Variants in NSMCE2 observed in about 807,000 individuals in gnomAD.
NSMCE2 encodes E3 SUMO-protein ligase NSE2.
In NSMCE2, 24 loss-of-function variants were observed where a neutral mutation model predicts 23.8. The observed-to-expected ratio is 1.01, with a 90% confidence interval of 0.73 to 1.42. NSMCE2 has a LOEUF of 1.42. Among genes scored for constraint, NSMCE2 ranks in the 40% most tolerant of loss-of-function variants. The pLI is 0.00. For missense variants in NSMCE2, 284 were observed against 296.5 expected, an observed-to-expected ratio of 0.96 and a Z score of 0.31; for synonymous variants, 92 against 94.1, an observed-to-expected ratio of 0.98 and a Z score of 0.13.
At chr8:125,139,990 T>C (rs1000535076) in intron 3 of NSMCE2, among the ~76,000 whole-genome samples, 8 of 152,340 alleles carry the variant, frequency 5.3e-5, no homozygotes, top group Admixed American at 2.6e-4. Context: ...TTTGAATTTC[T>C]GTAGTCCTTT....
chr8:125,221,666 G>A (rs1303659773), intron 5 of NSMCE2, among the ~76,000 whole-genome samples: 2 of 152,166 alleles, frequency 1.3e-5, no homozygotes, highest in Non-Finnish European at 2.9e-5. Flanking sequence ...AAATATATTA[G>A]GGATAAGACC....
chr8:125,228,310 C>T (rs1175767402), intron 5 of NSMCE2, among the ~76,000 whole-genome samples: 1 of 152,078 alleles, frequency 6.6e-6, no homozygotes. Context: ...TATTCAATTC[C>T]TTCCAGTACA....
chr8:125,274,798 C>T (rs1042637013), intron 5 of NSMCE2, among the ~76,000 whole-genome samples: 11 of 151,518 alleles, frequency 7.3e-5, no homozygotes, highest in East Asian at 1.9e-4. Flanking sequence ...GGCATGGTGG[C>T]GCACGCCTGT....
intron 3 of NSMCE2, among the ~76,000 whole-genome samples, chr8:125,138,676 G>A (rs1172980831): frequency 1.3e-5 from 2 of 152,138 alleles, no homozygotes; most frequent in African/African-American, 4.8e-5. Context: ...GACAAATGAA[G>A]CATGTTTAAG....
intron 5 of NSMCE2, among the ~76,000 whole-genome samples, chr8:125,344,272 T>C (rs1830356180): frequency 6.6e-6 from 1 of 152,152 alleles, no homozygotes; most frequent in Non-Finnish European, 1.5e-5. Flanking sequence ...TATTATTTGG[T>C]CTCTTGAAGA....
intron 5 of NSMCE2, among the ~76,000 whole-genome samples, chr8:125,325,553 T>C (rs1410409314): frequency 6.6e-6 from 1 of 152,180 alleles, no homozygotes. Context: ...CATTTTGCCA[T>C]GTAGGCTGGT....
intron 5 of NSMCE2, among the ~76,000 whole-genome samples, chr8:125,326,077 G>A (rs1829653632): frequency 6.6e-6 from 1 of 152,070 alleles, no homozygotes; most frequent in African/African-American, 2.4e-5. Flanking sequence ...ATAACATGGT[G>A]AAACCCCATC....
intron 3 of NSMCE2, among the ~76,000 whole-genome samples, chr8:125,133,611 C>G (rs538821897): frequency 6.6e-6 from 1 of 151,444 alleles, no homozygotes; most frequent in Admixed American, 6.6e-5. Flanking sequence ...CATGGTGGCT[C>G]GCACCTGTAA....
At chr8:125,191,798 C>T (rs1313598636) in intron 5 of NSMCE2, among the ~76,000 whole-genome samples, 1 of 152,088 alleles carries the variant, frequency 6.6e-6, no homozygotes, top group Non-Finnish European at 1.5e-5. Flanking sequence ...CATCATCTCG[C>T]GTAATCTTTA....
intron 5 of NSMCE2, among the ~76,000 whole-genome samples, chr8:125,348,041 GTA>G (rs1563798862): frequency 6.6e-6 from 1 of 152,314 alleles, no homozygotes; most frequent in East Asian, 1.9e-4. Context: ...TCCTTCCACA[GTA>G]TCTTGTATAT....
intron 3 of NSMCE2, among the ~76,000 whole-genome samples, chr8:125,149,324 T>C (rs1171757213): frequency 6.6e-6 from 1 of 152,190 alleles, no homozygotes; most frequent in Admixed American, 6.5e-5. Flanking sequence ...TATTATAAAA[T>C]TAAAGCATAT....
intron 5 of NSMCE2, among the ~76,000 whole-genome samples, chr8:125,344,373 G>GT (rs1174440892): frequency 1.3e-5 from 2 of 152,152 alleles, no homozygotes; most frequent in Non-Finnish European, 2.9e-5. Context: ...ATATGCAGTA[G>GT]TTATGTCACC....
At chr8:125,233,030 C>CTCTGTCATCTTCTACAGGGA (rs1427506244) in intron 5 of NSMCE2, among the ~76,000 whole-genome samples, 2 of 152,230 alleles carry the variant, frequency 1.3e-5, no homozygotes, top group Non-Finnish European at 2.9e-5. Context: ...CAATTGCCGG[C>CTCTGTCATCTTCTACAGGGA]TCTGTCATCT....
At chr8:125,213,294 G>A (rs1824424571) in intron 5 of NSMCE2, among the ~76,000 whole-genome samples, 2 of 152,132 alleles carry the variant, frequency 1.3e-5, no homozygotes, top group Admixed American at 6.5e-5. Context: ...AGCCAGCAGC[G>A]TACAGGAAAC....
At chr8:125,227,235 C>G (rs1314887544) in intron 5 of NSMCE2, among the ~76,000 whole-genome samples, 1 of 152,256 alleles carries the variant, frequency 6.6e-6, no homozygotes, top group East Asian at 1.9e-4. Context: ...TGCCACGTCC[C>G]TGACATGGCA....
chr8:125,220,750 C>A (rs1824818928), intron 5 of NSMCE2, among the ~76,000 whole-genome samples: 2 of 152,046 alleles, frequency 1.3e-5, no homozygotes, highest in African/African-American at 4.8e-5. Context: ...AGATTGAAAT[C>A]CACTTATTCA....
chr8:125,142,735 G>A (rs566567475), intron 3 of NSMCE2, among the ~76,000 whole-genome samples: 1 of 152,130 alleles, frequency 6.6e-6, no homozygotes, highest in Admixed American at 6.5e-5. Context: ...CTCCCGAGTA[G>A]CTGGAATTAC....
At chr8:125,218,516 A>G (rs766505275) in intron 5 of NSMCE2, among the ~76,000 whole-genome samples, 19 of 151,732 alleles carry the variant, frequency 1.3e-4, no homozygotes, top group Non-Finnish European at 2.2e-4. Flanking sequence ...GGTTCAAGCA[A>G]TTCTCATGCC....
Position 125,124,470 on chromosome 8 carries a change from T to TTCTCTCTC in NSMCE2, c.157+22004_157+22011dup, listed in dbSNP as rs376240525. Among the ~76,000 whole-genome samples, 422 of 146,306 alleles carry TTCTCTCTC rather than the reference T, an allele frequency of 2.9e-3. 4 individuals carry two copies. Among genetic ancestry groups the TTCTCTCTC allele is most frequent in the African/African-American group, 1.0e-2 (399 of 39,982 alleles). On this transcript the variant is annotated intron_variant, in intron 3 of 7. Transcript: ENST00000287437. ...TTTTTTAAAGTGGATTCCTCAGGAT[T>TTCTCTCTC]TCTCTCTCTCTCTCTCTCTCTCTCT...
Sources: allele counts gnomAD v4.1 joint callset (sites outside exome capture counted in the v4.1 genomes callset), GRCh38; gene constraint gnomAD v4.1.1; transcripts MANE v1.5; gene names NCBI Gene and HGNC (gene_info 2026-07-23, HGNC 2026-07-21).